SLC12A2: variants seen among roughly 807,000 people sequenced by gnomAD.
SLC12A2 encodes the protein solute carrier family 12 member 2.
Under a neutral mutation model 136.3 loss-of-function variants are expected in SLC12A2, and 67 were observed. The observed-to-expected ratio is 0.49, with a 90% CI of 0.40 to 0.60. The LOEUF (loss-of-function observed/expected upper bound fraction) is 0.60, where lower values mean the gene tolerates loss of function less well. Ranked by LOEUF, SLC12A2 falls within the 20% of genes least tolerant of loss-of-function variation. The probability of loss-of-function intolerance (pLI) is 0.00; values close to 1 mark genes in which losing one functional copy is unlikely to be tolerated. For synonymous variants in SLC12A2, 619 were observed against 562.9 expected, an observed-to-expected ratio of 1.10 and a Z score of -1.41; for missense variants, 1,322 against 1,534.7, an observed-to-expected ratio of 0.86 and a Z score of 2.32.
intron 9 of SLC12A2, among the ~76,000 whole-genome samples, chr5:128,139,559 C>T (rs990412422): frequency 2.0e-5 from 3 of 152,076 alleles, no homozygotes; most frequent in Non-Finnish European, 4.4e-5. Flanking sequence ...ATAGAAGTTC[C>T]GAGATTTCAC....
chr5:128,105,770 A>G (rs1760909447), intron 1 of SLC12A2, among the ~76,000 whole-genome samples: 1 of 152,172 alleles, frequency 6.6e-6, no homozygotes. Context: ...CAGAGTTTCC[A>G]TCTTTTTTGT....
intron 17 of SLC12A2, among the ~76,000 whole-genome samples, chr5:128,166,344 G>A (rs951847604): frequency 3.3e-5 from 5 of 151,918 alleles, no homozygotes; most frequent in Admixed American, 6.6e-5. Flanking sequence ...TCTTAGATAC[G>A]ACACCAAAAG....
chr5:128,147,634 G>C lies in SLC12A2; in HGVS notation c.1786G>C (p.Val596Leu), dbSNP rs1400086831. 1 of 1,602,622 alleles carries C rather than the reference G, an allele frequency of 6.2e-7. No homozygotes were observed. Among genetic ancestry groups the C allele is most frequent in the African/African-American group, 1.3e-5 (1 of 74,510 alleles). The change falls in exon 11 of 27, where the codon GTG (valine) becomes CTG (leucine). Residue 596 changes from valine to leucine, a missense_variant. Transcript: ENST00000262461. ...ACTTTTATTTAAGGTAATGAGTATGGTGTCAGGATTTACACCACTAATTTC... is the reference window on the plus strand; with the variant it reads ...ACTTTTATTTAAGGTAATGAGTATGCTGTCAGGATTTACACCACTAATTTC... ...LMNNFQVMSM[V>L]SGFTPLISAG...
At chr5:128,163,474 A>G (rs913832218) in intron 17 of SLC12A2, among the ~76,000 whole-genome samples, 10 of 152,134 alleles carry the variant, frequency 6.6e-5, no homozygotes, top group African/African-American at 2.4e-4. Context: ...GGTTGCAGTG[A>G]GCCAAGATCA....
chr5:128,126,257 G>A (rs1042583201), intron 4 of SLC12A2, among the ~76,000 whole-genome samples: 16 of 152,212 alleles, frequency 1.1e-4, no homozygotes, highest in Non-Finnish European at 1.5e-4. Flanking sequence ...TTAAAAATGG[G>A]TAAAAGATTT....
At chr5:128,096,718 A>G (rs1760551458) in intron 1 of SLC12A2, among the ~76,000 whole-genome samples, 1 of 152,104 alleles carries the variant, frequency 6.6e-6, no homozygotes, top group African/African-American at 2.4e-5. Context: ...GGGTTTAGAG[A>G]AAATATTACA....
At chr5:128,145,965 G>A (rs966170163) in intron 10 of SLC12A2, among the ~76,000 whole-genome samples, 3 of 151,920 alleles carry the variant, frequency 2.0e-5, no homozygotes, top group Non-Finnish European at 4.4e-5. Context: ...ACCATTCACA[G>A]CTGTTCAAGT....
chr5:128,090,249 G>A (rs1367435715), intron 1 of SLC12A2, among the ~76,000 whole-genome samples: 2 of 151,886 alleles, frequency 1.3e-5, no homozygotes, highest in Non-Finnish European at 2.9e-5. Flanking sequence ...AGAAATTTTG[G>A]GATTTAAAAT....
intron 21 of SLC12A2, chr5:128,177,402 G>T (rs923830322): frequency 1.0e-5 from 3 of 298,510 alleles, no homozygotes; most frequent in East Asian, 1.5e-4. Flanking sequence ...CCAGACAGCC[G>T]GTATTAATTT....
chr5:128,084,582 C>T lies in SLC12A2; in HGVS notation c.628C>T (p.Leu210=), dbSNP rs1263303871. 7 of 1,613,746 alleles carry T rather than the reference C, an allele frequency of 4.3e-6. No homozygotes were observed. The highest frequency in any genetic ancestry group is 3.4e-6 in the Non-Finnish European group (4 of 1,180,012). Residue 210 remains leucine, a synonymous_variant, in exon 1 of 27, where the codon CTG becomes TTG. Transcript: ENST00000262461. This position sits in a 1 kb window ranked among gnomAD's most constrained non-coding sequence, Gnocchi z 5.6. Reference sequence around the variant, plus strand: ...TGATACCCACACCAACACCTACTACCTGCGCACCTTCGGCCACAACACCAT... The same window carrying T: ...TGATACCCACACCAACACCTACTACTTGCGCACCTTCGGCCACAACACCAT... ...YYDTHTNTYY[L]RTFGHNTMDA...
intron 15 of SLC12A2, among the ~76,000 whole-genome samples, chr5:128,153,458 G>A (rs1762771353): frequency 6.6e-6 from 1 of 152,168 alleles, no homozygotes; most frequent in Non-Finnish European, 1.5e-5. Flanking sequence ...GGGAGGCTGA[G>A]GCAGGAGAAT....
chr5:128,114,354 C>T, intron 3 of SLC12A2, 67 bp downstream of exon 3: 3 of 1,200,118 alleles, frequency 2.5e-6, no homozygotes, highest in African/African-American at 1.5e-5. Flanking sequence ...CTCTTAACCT[C>T]ATGAAACTCA....
At chr5:128,110,843 T>C in intron 1 of SLC12A2, 6 of 1,460,060 alleles carry the variant, frequency 4.1e-6, no homozygotes, top group Admixed American at 1.7e-5. Flanking sequence ...GATGATGACA[T>C]ATTCTGTTAT....
intron 12 of SLC12A2, 151 bp from the exon 13 acceptor site, chr5:128,149,846 T>G (rs1429208815): frequency 3.1e-6 from 2 of 654,024 alleles, no homozygotes; most frequent in Non-Finnish European, 5.4e-6. Context: ...GTAAAGTATA[T>G]GAGGCATATA....
chr5:128,149,423 G>T (rs1039806493), intron 12 of SLC12A2, among the ~76,000 whole-genome samples: 1 of 151,686 alleles, frequency 6.6e-6, no homozygotes, highest in Non-Finnish European at 1.5e-5. Flanking sequence ...AAACTTTTCT[G>T]TGATCAAGAG....
intron 1 of SLC12A2, among the ~76,000 whole-genome samples, chr5:128,090,478 G>A (rs1760267120): frequency 6.6e-6 from 1 of 152,216 alleles, no homozygotes; most frequent in South Asian, 2.1e-4. Context: ...TGAAATAAAT[G>A]TGAACCTAGT....
chr5:128,109,928 G>A lies in SLC12A2; in HGVS notation c.757-2886G>A, dbSNP rs541240678. Reference sequence around the variant, plus strand: ...GCAAGATAGTGCAGCCTGGCTACGGGGGATGAACTGCCCAACTGGAAACCA... The same window carrying A: ...GCAAGATAGTGCAGCCTGGCTACGGAGGATGAACTGCCCAACTGGAAACCA... On this transcript the variant is annotated intron_variant, in intron 1 of 26. Transcript: ENST00000262461. The A allele has an allele frequency of 6.2e-5, 51 of 823,260 alleles. No homozygotes were observed. In the African/African-American group the frequency reaches 7.8e-4, roughly 13 times the overall value. 51.0% of individuals were successfully genotyped at this position (823,260 alleles called of 1,614,324 possible). A position where few individuals can be genotyped will look rare whatever the true frequency, so the allele number is the denominator to read the frequency against.
chr5:128,180,870 T>A lies in SLC12A2; in HGVS notation c.3101-13T>A. The stretch of plus-strand genomic sequence containing the variant: ...GCATTTAGTAAATGATTTATTACAT[T>A]TTTATAATTCAGGTTTGACCTTATT... On this transcript the variant is annotated splice_polypyrimidine_tract_variant and intron_variant, in intron 22 of 26. Transcript: ENST00000262461. 1 of 1,437,042 alleles carries A rather than the reference T, an allele frequency of 7.0e-7. No individual in the cohort carries two copies. The highest frequency in any genetic ancestry group is 2.3e-5 in the East Asian group (1 of 43,958). 89.0% of individuals were successfully genotyped at this position (1,437,042 alleles called of 1,614,324 possible).
At chr5:128,111,159 C>T (rs1761129513) in intron 1 of SLC12A2, among the ~76,000 whole-genome samples, 1 of 152,110 alleles carries the variant, frequency 6.6e-6, no homozygotes, top group Admixed American at 6.5e-5. Flanking sequence ...CTGTACTTTA[C>T]ATTTTTAGAA....
Sources: allele counts gnomAD v4.1 joint callset (sites outside exome capture counted in the v4.1 genomes callset), GRCh38; gene constraint gnomAD v4.1.1; non-coding constraint Gnocchi (gnomAD v3.1); transcripts MANE v1.5; gene names NCBI Gene and HGNC (gene_info 2026-07-23, HGNC 2026-07-21).